Variants in WWOX observed in about 807,000 individuals in gnomAD.
The protein encoded by WWOX is WW domain-containing oxidoreductase.
A neutral mutation model predicts 46.2 loss-of-function variants in WWOX; 69 were observed. That is an observed-to-expected ratio of 1.49 (90% CI 1.23 to 1.82). The LOEUF (loss-of-function observed/expected upper bound fraction) is 1.82, where lower values mean the gene tolerates loss of function less well. Among genes scored for constraint, WWOX ranks in the 40% most tolerant of loss-of-function variants. WWOX has a pLI of 0.00. For synonymous variants in WWOX, 359 were observed against 202.6 expected (o/e 1.77, Z -6.56); for missense variants, 919 against 542.6 (o/e 1.69, Z -6.89).
chr16:78,634,858 G>T (rs1457869492), intron 8 of WWOX, among the ~76,000 whole-genome samples: 1 of 151,728 alleles, frequency 6.6e-6, no homozygotes, highest in African/African-American at 2.4e-5. Context: ...GTGTGTGTGT[G>T]TGTGTGTGTG....
intron 8 of WWOX, among the ~76,000 whole-genome samples, chr16:78,806,325 A>T (rs2051036773): frequency 6.6e-6 from 1 of 152,158 alleles, no homozygotes; most frequent in Admixed American, 6.5e-5. Context: ...TTAAAGTTTG[A>T]CTATATTCCA....
intron 8 of WWOX, among the ~76,000 whole-genome samples, chr16:78,769,443 A>G (rs570109408): frequency 1.3e-5 from 2 of 152,264 alleles, no homozygotes; most frequent in African/African-American, 4.8e-5. Context: ...ATCGTGGTAA[A>G]CAAAGCAAAG....
At chr16:78,710,113 A>T (rs1301077738) in intron 8 of WWOX, among the ~76,000 whole-genome samples, 2 of 151,880 alleles carry the variant, frequency 1.3e-5, no homozygotes, top group African/African-American at 4.8e-5. Context: ...GCTGGCAGTG[A>T]CATACTCCTA....
intron 8 of WWOX, among the ~76,000 whole-genome samples, chr16:79,159,611 A>T (rs2050446063): frequency 6.6e-6 from 1 of 152,196 alleles, no homozygotes; most frequent in Non-Finnish European, 1.5e-5. Flanking sequence ...GTAGCTGATG[A>T]GTCCCCCAGA....
chr16:78,162,388 G>A (rs950537889), intron 4 of WWOX, among the ~76,000 whole-genome samples: 2 of 151,820 alleles, frequency 1.3e-5, no homozygotes, highest in Non-Finnish European at 2.9e-5. Flanking sequence ...ACATGTATGT[G>A]TATATATGTG....
chr16:78,962,170 T>A (rs1479937752), intron 8 of WWOX, among the ~76,000 whole-genome samples: 3 of 152,044 alleles, frequency 2.0e-5, no homozygotes, highest in Non-Finnish European at 4.4e-5. Flanking sequence ...AAGAGAAGCC[T>A]AGGCTTTAAT....
intron 8 of WWOX, among the ~76,000 whole-genome samples, chr16:79,183,874 C>T (rs2050961619): frequency 6.6e-6 from 1 of 152,196 alleles, no homozygotes; most frequent in South Asian, 2.1e-4. Flanking sequence ...GTCACTCAGT[C>T]CTTTTCTCAC....
At chr16:78,852,514 TCCTCCAA>T (rs1377605493) in intron 8 of WWOX, among the ~76,000 whole-genome samples, 1 of 152,298 alleles carries the variant, frequency 6.6e-6, no homozygotes, top group East Asian at 1.9e-4. Context: ...TGGAAGCAGT[TCCTCCAA>T]CCCCCTTTAA....
intron 8 of WWOX, among the ~76,000 whole-genome samples, chr16:78,977,221 A>G (rs535239598): frequency 6.6e-6 from 1 of 152,338 alleles, no homozygotes; most frequent in African/African-American, 2.4e-5. Flanking sequence ...TTCAGACAGG[A>G]GAGCCCTGAG....
At chr16:78,864,326 G>T (rs571228278) in intron 8 of WWOX, among the ~76,000 whole-genome samples, 1 of 151,740 alleles carries the variant, frequency 6.6e-6, no homozygotes, top group African/African-American at 2.4e-5. Flanking sequence ...GAGTGCAGTG[G>T]TGCAGTCATG....
At chr16:79,102,978 C>T (rs75515626) in intron 8 of WWOX, among the ~76,000 whole-genome samples, 3,675 of 152,164 alleles carry the variant, frequency 0.024, 167 homozygotes, top group African/African-American at 0.084. Flanking sequence ...TCCTCCTTTT[C>T]CTCCTCCTCT....
intron 8 of WWOX, among the ~76,000 whole-genome samples, chr16:78,703,577 C>G (rs547784198): frequency 5.3e-5 from 8 of 152,172 alleles, no homozygotes; most frequent in Non-Finnish European, 1.2e-4. Flanking sequence ...CCTGGTCTCA[C>G]CACTACACTT....
chr16:78,785,924 T>G (rs572663819), intron 8 of WWOX, among the ~76,000 whole-genome samples: 3 of 152,354 alleles, frequency 2.0e-5, no homozygotes, highest in Admixed American at 2.0e-4. Context: ...TTTTATTTTT[T>G]GAGATGGAGT....
At chr16:78,217,770 T>C (rs1438809265) in intron 5 of WWOX, among the ~76,000 whole-genome samples, 1 of 152,070 alleles carries the variant, frequency 6.6e-6, no homozygotes, top group Non-Finnish European at 1.5e-5. Flanking sequence ...TATGGGGGTA[T>C]AGGGATAAAT....
intron 5 of WWOX, among the ~76,000 whole-genome samples, chr16:78,303,994 G>A (rs1477431203): frequency 6.6e-6 from 1 of 152,196 alleles, no homozygotes; most frequent in Non-Finnish European, 1.5e-5. Context: ...GCATGAAATA[G>A]TTTTACTAGC....
chr16:78,586,832 G>C (rs2045219727), intron 8 of WWOX, among the ~76,000 whole-genome samples: 1 of 152,048 alleles, frequency 6.6e-6, no homozygotes, highest in Non-Finnish European at 1.5e-5. Flanking sequence ...TATAATTTCA[G>C]ACTCAGGTTT....
chr16:78,773,112 G>A (rs1370811236), intron 8 of WWOX, among the ~76,000 whole-genome samples: 7 of 152,302 alleles, frequency 4.6e-5, no homozygotes, highest in South Asian at 2.1e-4. Flanking sequence ...CTAGTGAGTG[G>A]CTAGATTGTA....
intron 8 of WWOX, among the ~76,000 whole-genome samples, chr16:79,150,816 C>A (rs1036716456): frequency 6.6e-6 from 1 of 152,042 alleles, no homozygotes; most frequent in Non-Finnish European, 1.5e-5. Context: ...TTAAGTTATC[C>A]GATTTGTAAA....
rs202007074 is a variant in WWOX, at chr16:78,804,688, G to GT, written c.1056+371944dup. On this transcript the variant is annotated intron_variant, in intron 8 of 8. Transcript: ENST00000566780. The stretch of plus-strand genomic sequence containing the variant: ...ATTTAACTATCACTTTCAAATTTCT[G>GT]TTTTTTTTCTAATTTAGTGCTTGAT... 5.2e-3 allele frequency among the ~76,000 whole-genome samples: 787 copies of GT among 151,796 alleles called. 9 individuals are homozygous for GT. The highest frequency in any genetic ancestry group is 5.1e-3 in the Non-Finnish European group (348 of 67,920).
Sources: gnomAD v4.1 joint callset for allele counts (sites outside exome capture counted in the v4.1 genomes callset) on GRCh38, gnomAD v4.1.1 for gene constraint, MANE v1.5 for transcripts, NCBI Gene and HGNC (gene_info 2026-07-23, HGNC 2026-07-21) for gene names.